The following GLIS3 variants were observed in gnomAD, a reference collection of about 807,000 sequenced individuals.
GLIS3 encodes the protein zinc finger protein GLIS3.
GLIS3 carries 53 observed loss-of-function variants against 78.6 expected under a neutral mutation model. That is an observed-to-expected ratio of 0.67 (90% CI 0.54 to 0.85). GLIS3 has a LOEUF of 0.85. Among genes scored for constraint, GLIS3 ranks in the 40% least tolerant of loss-of-function variants. The pLI, the probability that GLIS3 is intolerant of heterozygous loss-of-function variation, is 0.00. For missense variants in GLIS3, 1,703 were observed against 1,231.1 expected (o/e 1.38, Z -5.74); for synonymous variants, 684 against 509.9 (o/e 1.34, Z -4.60).
At chr9:4,106,060 C>G (rs186924185) in intron 4 of GLIS3, among the ~76,000 whole-genome samples, 227 of 152,308 alleles carry the variant, frequency 1.5e-3, no homozygotes, top group African/African-American at 5.2e-3. Context: ...AAACAAACGG[C>G]ACCTGTCCCA....
At chr9:4,247,942 ATAT>A (rs1401591502) in intron 2 of GLIS3, among the ~76,000 whole-genome samples, 3 of 152,190 alleles carry the variant, frequency 2.0e-5, no homozygotes, top group African/African-American at 7.2e-5. Context: ...AATATACAAC[ATAT>A]TATTGATTAC....
chr9:4,396,262 A>G, the GLIS3 span, among the ~76,000 whole-genome samples: 1 of 152,034 alleles, frequency 6.6e-6, no homozygotes, highest in Non-Finnish European at 1.5e-5. Context: ...ACAGGCATCC[A>G]CCACTATGCC....
intron 2 of GLIS3, among the ~76,000 whole-genome samples, chr9:4,250,112 A>G (rs1025673102): frequency 2.4e-4 from 37 of 152,146 alleles, no homozygotes; most frequent in Non-Finnish European, 1.5e-5. Context: ...AGGTTTTGGT[A>G]TCAGGATGAT....
At chr9:4,121,161 T>C (rs1024233881) in intron 3 of GLIS3, among the ~76,000 whole-genome samples, 1 of 152,246 alleles carries the variant, frequency 6.6e-6, no homozygotes, top group Non-Finnish European at 1.5e-5. Context: ...GGCCTTTGCC[T>C]AGCAGCCAGT....
intron 4 of GLIS3, among the ~76,000 whole-genome samples, chr9:4,086,222 T>A (rs892015732): frequency 2.0e-5 from 3 of 152,178 alleles, no homozygotes; most frequent in Non-Finnish European, 4.4e-5. Context: ...AATTTACTTG[T>A]CTCCACCTCA....
chr9:4,357,560 C>A, the GLIS3 span, among the ~76,000 whole-genome samples: 46 of 100,250 alleles, frequency 4.6e-4, no homozygotes, highest in African/African-American at 2.1e-3. Flanking sequence ...TGAACTAATT[C>A]CTGTGTGTGT....
At chr9:4,451,869 T>C in the GLIS3 span, among the ~76,000 whole-genome samples, 10 of 150,670 alleles carry the variant, frequency 6.6e-5, no homozygotes, top group Non-Finnish European at 1.3e-4. Context: ...GGGAAATTTA[T>C]AGCACTAAAT....
At chr9:4,406,255 C>G in the GLIS3 span, among the ~76,000 whole-genome samples, 4 of 152,164 alleles carry the variant, frequency 2.6e-5, no homozygotes, top group Non-Finnish European at 4.4e-5. Flanking sequence ...AAAAAAAGGG[C>G]ATCCCAACTG....
At chr9:4,239,158 G>A (rs1444846457) in intron 2 of GLIS3, among the ~76,000 whole-genome samples, 14 of 122,710 alleles carry the variant, frequency 1.1e-4, no homozygotes, top group Non-Finnish European at 1.5e-4. Context: ...ACATGTGCAT[G>A]CACTGTTGTG....
At chr9:4,354,649 C>G in the GLIS3 span, among the ~76,000 whole-genome samples, 1 of 152,160 alleles carries the variant, frequency 6.6e-6, no homozygotes, top group African/African-American at 2.4e-5. Context: ...CTTTCTCGAG[C>G]CTCTCACTGC....
intron 2 of GLIS3, among the ~76,000 whole-genome samples, chr9:4,265,568 C>T (rs570938087): frequency 3.9e-4 from 60 of 152,206 alleles, no homozygotes; most frequent in Non-Finnish European, 8.2e-4. Context: ...ACCTCTAATG[C>T]TTCCATTCTA....
intron 2 of GLIS3, among the ~76,000 whole-genome samples, chr9:4,199,477 TAA>T (rs370171309): frequency 3.0e-4 from 45 of 149,290 alleles, no homozygotes; most frequent in South Asian, 2.1e-3. Context: ...TTTATATATA[TAA>T]GTTATATATA....
chr9:4,411,981 A>C, the GLIS3 span, among the ~76,000 whole-genome samples: 1 of 152,276 alleles, frequency 6.6e-6, no homozygotes, highest in South Asian at 2.1e-4. Flanking sequence ...TAAACATAGA[A>C]AACATTTAAG....
the GLIS3 span, among the ~76,000 whole-genome samples, chr9:4,444,364 G>C: frequency 2.0e-5 from 3 of 152,212 alleles, no homozygotes; most frequent in Admixed American, 6.5e-5. Flanking sequence ...CACATGCTAA[G>C]TTTATGTTTT....
At chr9:4,164,429 G>T (rs1178473581) in intron 2 of GLIS3, among the ~76,000 whole-genome samples, 1 of 152,202 alleles carries the variant, frequency 6.6e-6, no homozygotes, top group Non-Finnish European at 1.5e-5. Context: ...GAGGAACAAT[G>T]CAAAAGCTCA....
intron 2 of GLIS3, among the ~76,000 whole-genome samples, chr9:4,250,745 A>C (rs955530691): frequency 1.2e-4 from 18 of 152,100 alleles, no homozygotes; most frequent in Non-Finnish European, 2.6e-4. Context: ...TTTTGTGGGC[A>C]TTTGGTGCTA....
At chr9:4,086,220 T>A (rs1274964684) in intron 4 of GLIS3, among the ~76,000 whole-genome samples, 2 of 152,198 alleles carry the variant, frequency 1.3e-5, no homozygotes, top group Non-Finnish European at 2.9e-5. Context: ...GTAATTTACT[T>A]GTCTCCACCT....
chr9:4,024,931 A>T (rs1317881878), intron 4 of GLIS3, among the ~76,000 whole-genome samples: 2 of 152,256 alleles, frequency 1.3e-5, no homozygotes, highest in East Asian at 1.9e-4. Context: ...GATCCCTAGC[A>T]CTTAAGCACA....
In GLIS3 at chr9:4,290,358, T is replaced by C. The variant is rs1207910934; in HGVS notation, c.-98-3835A>G. ...TCTGACTCTACTTCTTATATATCTG[T>C]CTAAGCCATCTACAATAAGAGTTTT... On this transcript the variant is annotated intron_variant, in intron 1 of 10. Coordinates refer to ENST00000381971, the MANE Select transcript of GLIS3 (RefSeq NM_001042413.2). 2.0e-5 allele frequency among the ~76,000 whole-genome samples: 3 copies of C among 152,268 alleles called. No individual in the cohort carries two copies. The East Asian group carries it at 5.8e-4, about 29-fold the overall frequency.
Sources: allele counts gnomAD v4.1 joint callset (sites outside exome capture counted in the v4.1 genomes callset), GRCh38; gene constraint gnomAD v4.1.1; transcripts MANE v1.5; gene names NCBI Gene and HGNC (gene_info 2026-07-23, HGNC 2026-07-21).